MREG: variants seen among roughly 807,000 people sequenced by gnomAD.
MREG encodes the protein melanoregulin.
MREG carries 31 observed loss-of-function variants against 28.5 expected under a neutral mutation model. That is an observed-to-expected ratio of 1.09 (90% CI 0.82 to 1.47). The LOEUF is 1.47. Ranked by LOEUF, MREG falls within the 40% of genes most tolerant of loss-of-function variation. The probability of loss-of-function intolerance (pLI) is 0.00; values close to 1 mark genes in which losing one functional copy is unlikely to be tolerated. For synonymous variants in MREG, 106 were observed against 95.2 expected (o/e 1.11, Z -0.66); for missense variants, 256 against 257.4 (o/e 0.99, Z 0.04).
intron 1 of MREG, among the ~76,000 whole-genome samples, chr2:216,010,354 C>CTCTTTTTT (rs1404098443): frequency 4.2e-5 from 4 of 94,370 alleles, no homozygotes; most frequent in African/African-American, 8.3e-5. Context: ...AAAGATTTCT[C>CTCTTTTTT]TTTTTTTTTT....
intron 2 of MREG, among the ~76,000 whole-genome samples, chr2:215,964,389 C>T (rs1467508918): frequency 6.6e-6 from 1 of 152,010 alleles, no homozygotes; most frequent in African/African-American, 2.4e-5. Flanking sequence ...GAGGCCGAGG[C>T]ACCAGAATCG....
Position 215,945,012 on chromosome 2 carries a change from A to C in MREG, c.511-15T>G. ...ATGAGACGGTCCTGCAAAAACAAAC[A>C]ACAAACCAAAAAACTGCTGGCAAGA... On this transcript the variant is annotated splice_polypyrimidine_tract_variant and intron_variant, in intron 4 of 4. Transcript: ENST00000263268. 1 of 1,555,320 alleles carries C rather than the reference A, an allele frequency of 6.4e-7. No homozygotes were observed. Among genetic ancestry groups the C allele is most frequent in the Non-Finnish European group, 8.8e-7 (1 of 1,137,150 alleles).
chr2:215,950,828 T>G (rs558286666), intron 2 of MREG, among the ~76,000 whole-genome samples: 2 of 152,240 alleles, frequency 1.3e-5, no homozygotes, highest in South Asian at 4.2e-4. Context: ...CCCACCCAAA[T>G]CTCATGTCGA....
chr2:215,947,499 C>G (rs1692352286), intron 2 of MREG, among the ~76,000 whole-genome samples: 1 of 152,124 alleles, frequency 6.6e-6, no homozygotes, highest in Non-Finnish European at 1.5e-5. Context: ...CTAATAAAAT[C>G]TATATATTAT....
At chr2:215,971,107 G>A (rs909270929) in intron 2 of MREG, among the ~76,000 whole-genome samples, 1 of 152,066 alleles carries the variant, frequency 6.6e-6, no homozygotes. Flanking sequence ...GAACATGGGG[G>A]TGGGGAGGAC....
At chr2:216,006,381 A>G (rs1694154853) in intron 1 of MREG, among the ~76,000 whole-genome samples, 1 of 152,180 alleles carries the variant, frequency 6.6e-6, no homozygotes, top group South Asian at 2.1e-4. Context: ...GCCCTCCCCT[A>G]TCACTCCCCT....
intron 1 of MREG, among the ~76,000 whole-genome samples, chr2:216,021,146 C>T (rs918781876): frequency 9.9e-5 from 15 of 152,134 alleles, no homozygotes; most frequent in African/African-American, 2.9e-4. Flanking sequence ...TAGTATTTGT[C>T]GGGCTTTTTA....
At chr2:216,007,785 T>C (rs901307376) in intron 1 of MREG, among the ~76,000 whole-genome samples, 8 of 151,766 alleles carry the variant, frequency 5.3e-5, no homozygotes, top group Non-Finnish European at 1.2e-4. Context: ...AATTTCACTG[T>C]TTAGAATATC....
intron 1 of MREG, among the ~76,000 whole-genome samples, chr2:216,001,340 A>C (rs1222259573): frequency 6.6e-6 from 1 of 152,152 alleles, no homozygotes; most frequent in African/African-American, 2.4e-5. Context: ...GTATTCCCCT[A>C]ACAAGCCTCC....
chr2:215,946,339 G>C (rs768797383), intron 3 of MREG, among the ~76,000 whole-genome samples: 13 of 150,882 alleles, frequency 8.6e-5, no homozygotes, highest in Non-Finnish European at 1.8e-4. Context: ...CATAGAGATC[G>C]GTCACATGGC....
In MREG at chr2:215,972,341, A is replaced by G. The variant is rs188981141; in HGVS notation, c.255+23965T>C. 2.6e-3 allele frequency among the ~76,000 whole-genome samples: 400 copies of G among 152,310 alleles called. 1 individual carries two copies. Among genetic ancestry groups the G allele is most frequent in the Non-Finnish European group, 4.0e-3 (273 of 68,008 alleles). Reference sequence around the variant, plus strand: ...AAAAGAAAAGGAGGAATAAGAAGATAGGATTAAAAAGAGCTGTGAGGCCAG... The same window carrying G: ...AAAAGAAAAGGAGGAATAAGAAGATGGGATTAAAAAGAGCTGTGAGGCCAG... On this transcript the variant is annotated intron_variant, in intron 2 of 4. Coordinates refer to ENST00000263268, the MANE Select transcript of MREG (RefSeq NM_018000.3).
intron 2 of MREG, among the ~76,000 whole-genome samples, chr2:215,981,114 T>C (rs1308576191): frequency 2.0e-5 from 3 of 152,102 alleles, no homozygotes; most frequent in Non-Finnish European, 4.4e-5. Context: ...TAATAACTCA[T>C]TAAATAAATT....
chr2:215,951,560 T>C (rs1180005641), intron 2 of MREG, among the ~76,000 whole-genome samples: 1 of 152,252 alleles, frequency 6.6e-6, no homozygotes, highest in Non-Finnish European at 1.5e-5. Flanking sequence ...CCCTGAACTT[T>C]AACAATGGGT....
At chr2:215,981,354 G>A (rs1462394394) in intron 2 of MREG, among the ~76,000 whole-genome samples, 1 of 152,218 alleles carries the variant, frequency 6.6e-6, no homozygotes, top group African/African-American at 2.4e-5. Flanking sequence ...GACGGCTGCT[G>A]CAGTGTGAAT....
At chr2:215,995,373 G>A (rs1053777751) in intron 2 of MREG, among the ~76,000 whole-genome samples, 37 of 152,056 alleles carry the variant, frequency 2.4e-4, no homozygotes, top group African/African-American at 5.8e-4. Context: ...TAAAAGGACC[G>A]GGACACATGA....
At chr2:215,966,310 C>T (rs1412845457) in intron 2 of MREG, among the ~76,000 whole-genome samples, 2 of 152,168 alleles carry the variant, frequency 1.3e-5, no homozygotes, top group East Asian at 1.9e-4. Flanking sequence ...TTGCTCATCC[C>T]GCCCCACTTC....
At chr2:215,973,812 C>A (rs1693170326) in intron 2 of MREG, among the ~76,000 whole-genome samples, 1 of 152,202 alleles carries the variant, frequency 6.6e-6, no homozygotes, top group Non-Finnish European at 1.5e-5. Context: ...CAGCCTAATA[C>A]CTGGGCCTGG....
intron 1 of MREG, among the ~76,000 whole-genome samples, chr2:216,029,265 G>A (rs1694643509): frequency 6.6e-6 from 1 of 151,990 alleles, no homozygotes; most frequent in Admixed American, 6.6e-5. Context: ...AGATCACGAG[G>A]TCAAGAGATT....
intron 2 of MREG, among the ~76,000 whole-genome samples, chr2:215,957,822 A>C (rs1692666815): frequency 1.3e-5 from 2 of 152,048 alleles, no homozygotes; most frequent in African/African-American, 2.4e-5. Context: ...ACAGCTTTAA[A>C]ACTATTCACA....
Sources: allele counts gnomAD v4.1 joint callset (sites outside exome capture counted in the v4.1 genomes callset), GRCh38; gene constraint gnomAD v4.1.1; transcripts MANE v1.5; gene names NCBI Gene and HGNC (gene_info 2026-07-23, HGNC 2026-07-21).